TMTC2: variants seen among roughly 807,000 people sequenced by gnomAD.
TMTC2 encodes the protein protein O-mannosyl-transferase TMTC2.
In TMTC2, 43 loss-of-function variants were observed where a neutral mutation model predicts 82.4. That is an observed-to-expected ratio of 0.52 (90% CI 0.41 to 0.67). The LOEUF (loss-of-function observed/expected upper bound fraction) is 0.67. TMTC2 is among the 30% of genes least tolerant of loss of function. The pLI is 0.00. For synonymous variants in TMTC2, 408 were observed against 381.9 expected (o/e 1.07, Z -0.80); for missense variants, 919 against 1,012.4 (o/e 0.91, Z 1.25).
intron 1 of TMTC2, among the ~76,000 whole-genome samples, chr12:82,719,085 A>ATATATATATATTTTTTTT (rs1282211374): frequency 1.2e-4 from 5 of 41,418 alleles, no homozygotes; most frequent in African/African-American, 4.6e-4. Context: ...ATATATATAT[A>ATATATATATATTTTTTTT]TTTTTTTTTT....
intron 1 of TMTC2, among the ~76,000 whole-genome samples, chr12:82,808,926 T>C (rs12317951): frequency 3.3e-5 from 5 of 151,656 alleles, no homozygotes; most frequent in Non-Finnish European, 7.4e-5. Flanking sequence ...TAAATTCTTA[T>C]ATAATCTCTT....
At chr12:82,979,126 T>C (rs895444557) in intron 7 of TMTC2, among the ~76,000 whole-genome samples, 1 of 151,790 alleles carries the variant, frequency 6.6e-6, no homozygotes, top group Non-Finnish European at 1.5e-5. Context: ...GTCTTTTTTT[T>C]CTTTTTATTT....
chr12:82,687,890 C>T (rs1196926403), intron 1 of TMTC2, among the ~76,000 whole-genome samples: 2 of 152,182 alleles, frequency 1.3e-5, no homozygotes, highest in Admixed American at 6.5e-5. Context: ...AGCAGGTTCT[C>T]TCCCTTGCTT....
At chr12:83,054,302 G>A (rs1882456062) in intron 10 of TMTC2, among the ~76,000 whole-genome samples, 1 of 151,960 alleles carries the variant, frequency 6.6e-6, no homozygotes, top group South Asian at 2.1e-4. Context: ...AGTAGAAATA[G>A]GAACATTATA....
chr12:82,852,069 G>T (rs998045007), intron 1 of TMTC2, among the ~76,000 whole-genome samples: 1 of 151,718 alleles, frequency 6.6e-6, no homozygotes, highest in Admixed American at 6.6e-5. Context: ...CTGGACACAG[G>T]CTAAGACTTC....
intron 3 of TMTC2, among the ~76,000 whole-genome samples, chr12:82,915,404 T>A (rs542634928): frequency 6.6e-6 from 1 of 152,324 alleles, no homozygotes; most frequent in African/African-American, 2.4e-5. Flanking sequence ...TTAAGTAATT[T>A]ACTTGGTTGT....
At chr12:82,969,003 T>G (rs1287345606) in intron 7 of TMTC2, among the ~76,000 whole-genome samples, 1 of 152,202 alleles carries the variant, frequency 6.6e-6, no homozygotes, top group East Asian at 1.9e-4. Flanking sequence ...AGTTTTATAG[T>G]TTCAGTTATT....
chr12:82,853,938 T>G (rs1049169155), intron 1 of TMTC2, among the ~76,000 whole-genome samples: 4 of 134,020 alleles, frequency 3.0e-5, no homozygotes, highest in Non-Finnish European at 4.5e-5. Flanking sequence ...TTGGCAGTTG[T>G]TTTTTTTTTT....
At chr12:83,089,476 G>A (rs1883768534) in intron 11 of TMTC2, among the ~76,000 whole-genome samples, 1 of 152,040 alleles carries the variant, frequency 6.6e-6, no homozygotes, top group East Asian at 1.9e-4. Flanking sequence ...GGTGTTTCAG[G>A]TGTTAACTAA....
chr12:83,072,245 C>T (rs1315231440), intron 11 of TMTC2, among the ~76,000 whole-genome samples: 1 of 152,044 alleles, frequency 6.6e-6, no homozygotes, highest in East Asian at 1.9e-4. Flanking sequence ...AAATTTCCAT[C>T]TTGATTTTGT....
chr12:83,120,660 A>G (rs1007449009), intron 11 of TMTC2, among the ~76,000 whole-genome samples: 1 of 152,172 alleles, frequency 6.6e-6, no homozygotes, highest in Non-Finnish European at 1.5e-5. Context: ...TGTATTTCCC[A>G]GGTGTTCTTT....
At chr12:82,891,139 C>A (rs903018840) in intron 2 of TMTC2, among the ~76,000 whole-genome samples, 2 of 152,096 alleles carry the variant, frequency 1.3e-5, no homozygotes, top group Admixed American at 1.3e-4. Context: ...TAAAAATTTG[C>A]TAATTTGATT....
At chr12:82,972,228 T>C (rs548812365) in intron 7 of TMTC2, among the ~76,000 whole-genome samples, 19 of 152,282 alleles carry the variant, frequency 1.2e-4, no homozygotes, top group Admixed American at 5.9e-4. Context: ...CCATTGCTTT[T>C]TATTATCTTA....
chr12:82,922,200 A>T (rs1227010324), intron 3 of TMTC2, among the ~76,000 whole-genome samples: 1 of 152,202 alleles, frequency 6.6e-6, no homozygotes, highest in African/African-American at 2.4e-5. Flanking sequence ...CACTTTTAAA[A>T]GATTATATGA....
In TMTC2 at chr12:82,687,478, G is replaced by C. The variant is rs1206623970; in HGVS notation, c.-109G>C. ...GGGAGGGTGGGGAAGCGAGGGAAAA[G>C]TGAAGCTGGGAGGAGAAGGCGGCGG... is the stretch of plus-strand genomic sequence containing the variant. On this transcript the variant is annotated 5_prime_UTR_variant, in exon 1 of 12. Coordinates refer to ENST00000321196, the MANE Select transcript of TMTC2 (RefSeq NM_152588.3). The C allele has an allele frequency of 1.7e-5, 18 of 1,069,920 alleles. No homozygotes were observed. The highest frequency in any genetic ancestry group is 2.3e-5 in the Non-Finnish European group (17 of 727,456). 66.3% of individuals were successfully genotyped at this position (1,069,920 alleles called of 1,614,324 possible). A position where few individuals can be genotyped will look rare whatever the true frequency, so the allele number is the denominator to read the frequency against.
At chr12:82,751,335 A>G (rs1215490284) in intron 1 of TMTC2, among the ~76,000 whole-genome samples, 3 of 151,708 alleles carry the variant, frequency 2.0e-5, no homozygotes, top group Admixed American at 1.3e-4. Context: ...GGAATTGAAC[A>G]ATGAGAAGAC....
At chr12:83,036,175 T>C (rs2137431866) in intron 9 of TMTC2, among the ~76,000 whole-genome samples, 1 of 152,280 alleles carries the variant, frequency 6.6e-6, no homozygotes, top group Admixed American at 6.5e-5. Flanking sequence ...CTAAGCCTCT[T>C]ACTTTTAGCC....
intron 1 of TMTC2, among the ~76,000 whole-genome samples, chr12:82,697,685 A>T (rs1872877291): frequency 6.6e-6 from 1 of 152,228 alleles, no homozygotes; most frequent in Non-Finnish European, 1.5e-5. Flanking sequence ...ATAATCTGTC[A>T]CCATCATATA....
At chr12:83,008,560 A>G (rs922347272) in intron 8 of TMTC2, among the ~76,000 whole-genome samples, 7 of 152,194 alleles carry the variant, frequency 4.6e-5, no homozygotes, top group African/African-American at 1.7e-4. Flanking sequence ...AGAGCACTTA[A>G]CATATTAATT....
Sources: allele counts gnomAD v4.1 joint callset (sites outside exome capture counted in the v4.1 genomes callset), GRCh38; gene constraint gnomAD v4.1.1; transcripts MANE v1.5; gene names NCBI Gene and HGNC (gene_info 2026-07-23, HGNC 2026-07-21).